TRIQK: variants seen among roughly 807,000 people sequenced by gnomAD.
TRIQK encodes the protein triple QxxK/R motif-containing protein.
Under a neutral mutation model 10.8 loss-of-function variants are expected in TRIQK, and 10 were observed. The observed-to-expected ratio is 0.92, with a 90% CI of 0.57 to 1.57. The LOEUF (loss-of-function observed/expected upper bound fraction) is 1.57. Ranked by LOEUF, TRIQK falls within the 40% of genes most tolerant of loss-of-function variation. The pLI is 0.00. For synonymous variants in TRIQK, 33 were observed against 33.7 expected, an observed-to-expected ratio of 0.98 and a Z score of 0.07; for missense variants, 107 against 97.7, an observed-to-expected ratio of 1.09 and a Z score of -0.40.
At chr8:92,947,427 A>T (rs971548930) in intron 2 of TRIQK, among the ~76,000 whole-genome samples, 1 of 151,684 alleles carries the variant, frequency 6.6e-6, no homozygotes, top group Non-Finnish European at 1.5e-5. Context: ...TACTAAAAAT[A>T]CAAAAAATTA....
intron 3 of TRIQK, among the ~76,000 whole-genome samples, chr8:92,914,250 CCTT>C: frequency 6.6e-6 from 1 of 151,988 alleles, no homozygotes; most frequent in South Asian, 2.1e-4. Flanking sequence ...TGAATGTCCC[CCTT>C]CTTTTTTTCT....
intron 2 of TRIQK, among the ~76,000 whole-genome samples, chr8:92,928,555 T>A (rs1044152199): frequency 7.2e-5 from 11 of 152,322 alleles, no homozygotes; most frequent in African/African-American, 2.4e-4. Context: ...AGTATATGGA[T>A]CTCCAGTTTT....
At chr8:92,975,698 T>G (rs2130740502) in intron 1 of TRIQK, among the ~76,000 whole-genome samples, 1 of 152,156 alleles carries the variant, frequency 6.6e-6, no homozygotes, top group Admixed American at 6.5e-5. Context: ...TTTATTTCAT[T>G]TTTCTGCTAA....
chr8:92,976,831 T>C lies in TRIQK; in HGVS notation c.-180-22267A>G, dbSNP rs144315293. Among the ~76,000 whole-genome samples the C allele has an allele frequency of 3.3e-5, 5 of 152,116 alleles. 1 individual carries two copies. In the East Asian group the frequency reaches 9.6e-4, roughly 29 times the overall value. ...TTTTTTGTGGCTTATAATATAGCTG[T>C]TTAACTTACCACCATCTACCTTTAA... is the stretch of plus-strand genomic sequence containing the variant. On this transcript the variant is annotated intron_variant, in intron 1 of 4. Coordinates refer to the TRIQK transcript ENST00000520686.
At chr8:92,897,187 C>G (rs1485568601) in intron 3 of TRIQK, among the ~76,000 whole-genome samples, 1 of 151,922 alleles carries the variant, frequency 6.6e-6, no homozygotes, top group African/African-American at 2.4e-5. Flanking sequence ...GAATTTGCCT[C>G]GAGACGAATG....
intron 2 of TRIQK, among the ~76,000 whole-genome samples, chr8:92,941,626 A>G (rs1414364915): frequency 6.6e-6 from 1 of 152,176 alleles, no homozygotes; most frequent in Non-Finnish European, 1.5e-5. Context: ...AAAAAATACA[A>G]AAAGTCAACA....
intron 1 of TRIQK, among the ~76,000 whole-genome samples, chr8:92,960,294 A>G (rs1812387103): frequency 6.6e-6 from 1 of 152,040 alleles, no homozygotes; most frequent in Admixed American, 6.6e-5. Context: ...TATTCTCCAT[A>G]TATCATCTTT....
intron 1 of TRIQK, among the ~76,000 whole-genome samples, chr8:93,008,715 T>C (rs999053948): frequency 2.0e-5 from 3 of 152,170 alleles, no homozygotes; most frequent in African/African-American, 7.2e-5. Flanking sequence ...CATAGAGATG[T>C]CAAGAGCACA....
chr8:92,896,812 TTTTC>T, intron 3 of TRIQK, among the ~76,000 whole-genome samples: 1 of 152,056 alleles, frequency 6.6e-6, no homozygotes, highest in South Asian at 2.1e-4. Flanking sequence ...TGCATTTTCT[TTTTC>T]TTTCTTTTTT....
Position 92,926,559 on chromosome 8 carries a change from T to A in TRIQK, c.-21-9549A>T, listed in dbSNP as rs147323647. Reference sequence around the variant, plus strand: ...AATTTGAGTTGGTCTAAATAATAATTGGGAGGAACAACCAGAAAGTGAGAG... The same window carrying A: ...AATTTGAGTTGGTCTAAATAATAATAGGGAGGAACAACCAGAAAGTGAGAG... On this transcript the variant is annotated intron_variant, in intron 2 of 4. Transcript: ENST00000521988. 1.2e-4 allele frequency among the ~76,000 whole-genome samples: 18 copies of A among 151,774 alleles called. 1 individual carries two copies. The East Asian group carries it at 3.5e-3, about 29-fold the overall frequency.
intron 4 of TRIQK, among the ~76,000 whole-genome samples, chr8:92,887,964 C>A (rs1816570725): frequency 6.6e-6 from 1 of 151,552 alleles, no homozygotes; most frequent in Non-Finnish European, 1.5e-5. Context: ...ATCTAATATA[C>A]CAATATAATG....
intron 3 of TRIQK, among the ~76,000 whole-genome samples, chr8:92,912,991 A>G (rs1248294073): frequency 6.6e-6 from 1 of 152,138 alleles, no homozygotes; most frequent in Non-Finnish European, 1.5e-5. Flanking sequence ...TTTGAAAGCC[A>G]AAGACACCAC....
chr8:92,931,664 G>T (rs1162137945), intron 2 of TRIQK, among the ~76,000 whole-genome samples: 2 of 152,128 alleles, frequency 1.3e-5, no homozygotes, highest in Non-Finnish European at 2.9e-5. Context: ...TGTGATAAAG[G>T]AATATCCTGT....
At chr8:93,017,239 C>T (rs563100855) in intron 1 of TRIQK, among the ~76,000 whole-genome samples, 6 of 151,158 alleles carry the variant, frequency 4.0e-5, no homozygotes, top group South Asian at 4.2e-4. Flanking sequence ...AATAAGACTG[C>T]GCATGTTTAG....
At chr8:92,918,938 T>C (rs1024841180) in intron 2 of TRIQK, among the ~76,000 whole-genome samples, 4 of 151,916 alleles carry the variant, frequency 2.6e-5, no homozygotes, top group East Asian at 3.8e-4. Flanking sequence ...TTCTTCTGCA[T>C]ATAGAAACCA....
intron 3 of TRIQK, among the ~76,000 whole-genome samples, chr8:92,914,922 C>G (rs1435225687): frequency 6.6e-6 from 1 of 152,094 alleles, no homozygotes; most frequent in Non-Finnish European, 1.5e-5. Flanking sequence ...ATGTTCACTG[C>G]AGCATTATTC....
intron 2 of TRIQK, chr8:92,928,164 A>C (rs1402309804): frequency 1.3e-5 from 2 of 152,270 alleles, no homozygotes; most frequent in East Asian, 3.9e-4. Flanking sequence ...ATAAGTGTTT[A>C]GTGGAGGACC....
chr8:92,946,783 T>TG (rs1811557388), intron 2 of TRIQK, among the ~76,000 whole-genome samples: 1 of 150,540 alleles, frequency 6.6e-6, no homozygotes, highest in Non-Finnish European at 1.5e-5. Context: ...TTTTCTGAGA[T>TG]GGAGTCTCGC....
At chr8:92,895,299 G>T (rs1260554439) in intron 3 of TRIQK, among the ~76,000 whole-genome samples, 1 of 152,072 alleles carries the variant, frequency 6.6e-6, no homozygotes, top group African/African-American at 2.4e-5. Context: ...TAATCTCAAA[G>T]GTTTTGTTAT....
Sources: gnomAD v4.1 joint callset for allele counts (sites outside exome capture counted in the v4.1 genomes callset) on GRCh38, gnomAD v4.1.1 for gene constraint, MANE v1.5 for transcripts, NCBI Gene and HGNC (gene_info 2026-07-23, HGNC 2026-07-21) for gene names.